Variants in DPP10 observed in about 807,000 individuals in gnomAD.
The protein encoded by DPP10 is inactive dipeptidyl peptidase 10.
A neutral mutation model predicts 120.9 loss-of-function variants in DPP10; 33 were observed. The observed-to-expected ratio is 0.27, with a 90% confidence interval of 0.21 to 0.37. The LOEUF is 0.37. DPP10 is among the 10% of genes least tolerant of loss of function. The pLI is 1.00. For missense variants in DPP10, 816 were observed against 942.8 expected (o/e 0.87, Z 1.76); for synonymous variants, 337 against 326.1 (o/e 1.03, Z -0.36).
chr2:115,284,196 C>G (rs1382833427), intron 1 of DPP10, among the ~76,000 whole-genome samples: 1 of 151,936 alleles, frequency 6.6e-6, no homozygotes, highest in Non-Finnish European at 1.5e-5. Context: ...GAAAAAAACA[C>G]AGTGTAGTTT....
chr2:114,567,427 G>T (rs1209634480), intron 1 of DPP10, among the ~76,000 whole-genome samples: 2 of 152,062 alleles, frequency 1.3e-5, no homozygotes, highest in Non-Finnish European at 2.9e-5. Flanking sequence ...TAATCATAAG[G>T]GTTGTTTTAA....
chr2:114,537,723 A>G (rs920907172), intron 1 of DPP10, among the ~76,000 whole-genome samples: 2 of 152,196 alleles, frequency 1.3e-5, no homozygotes, highest in Admixed American at 6.5e-5. Context: ...CATTATCACC[A>G]TTTCACAAGT....
At chr2:115,430,221 C>T (rs1357566510) in intron 3 of DPP10, among the ~76,000 whole-genome samples, 1 of 152,060 alleles carries the variant, frequency 6.6e-6, no homozygotes, top group African/African-American at 2.4e-5. Context: ...TAATATTTAG[C>T]TTTAACTGAA....
rs199567717 is a variant in DPP10, at chr2:115,029,456, G to GTT, written c.61-279773_61-279772dup. On this transcript the variant is annotated intron_variant, in intron 1 of 25. Transcript: ENST00000410059. ...TTTTTATTTCTTTTTGCACATTAGCGTTTTTTTTTTTCTTTCAGTCTGAAG... is the reference window on the plus strand; with the variant it reads ...TTTTTATTTCTTTTTGCACATTAGCGTTTTTTTTTTTTTCTTTCAGTCTGAAG... 4.6e-3 allele frequency among the ~76,000 whole-genome samples: 659 copies of GTT among 143,362 alleles called. 10 individuals are homozygous for GTT. The highest frequency in any genetic ancestry group is 7.8e-3 in the South Asian group (36 of 4,586). The allele number at this position is 143,362 out of a possible 152,430, so 94.1% of individuals were successfully genotyped here.
intron 5 of DPP10, among the ~76,000 whole-genome samples, chr2:115,628,619 T>C (rs1427443690): frequency 6.6e-6 from 1 of 152,186 alleles, no homozygotes; most frequent in Non-Finnish European, 1.5e-5. Context: ...TGGCATTGCC[T>C]GCATATTGTT....
intron 1 of DPP10, among the ~76,000 whole-genome samples, chr2:114,468,059 C>T (rs112362112): frequency 6.6e-6 from 1 of 152,176 alleles, no homozygotes; most frequent in African/African-American, 2.4e-5. Context: ...AAAGTGATAG[C>T]TCCCTCTGTT....
At chr2:115,315,983 T>G (rs544092773) in intron 2 of DPP10, among the ~76,000 whole-genome samples, 4 of 152,216 alleles carry the variant, frequency 2.6e-5, no homozygotes, top group Non-Finnish European at 4.4e-5. Flanking sequence ...AAGCCATATG[T>G]GATTCCCTTA....
At position 115,646,041 on chromosome 2, in the gene DPP10, T is replaced by C. The variant is rs536547235; in HGVS notation, c.442-43646T>C. ...AATCCTGACTGATACACATATATAT[T>C]TCACTTCCCATCACACACACACACG... On this transcript the variant is annotated intron_variant, in intron 5 of 25. Transcript: ENST00000410059. 2.6e-5 allele frequency among the ~76,000 whole-genome samples: 4 copies of C among 152,180 alleles called. No individual in the cohort carries two copies. In the East Asian group the frequency reaches 7.7e-4, roughly 29 times the overall value.
rs950721482 is a variant in DPP10 at position 115,422,256 on chromosome 2, G to A, written c.272-77254G>A. On this transcript the variant is annotated intron_variant, in intron 3 of 25. Transcript: ENST00000410059. ...ATAAATTGTTATACCGATATTTATA[G>A]CAAAGGCAACATAGAACTCTGGAGT... 7.2e-5 allele frequency among the ~76,000 whole-genome samples: 11 copies of A among 152,276 alleles called. No individual in the cohort carries two copies. In the East Asian group the frequency reaches 1.7e-3, roughly 24 times the overall value.
chr2:115,459,938 T>TATATATATATATATATATACAC lies in DPP10; in HGVS notation c.272-39571_272-39570insTATATATATATATATATACACA, dbSNP rs66927327. On this transcript the variant is annotated intron_variant, in intron 3 of 25. Transcript: ENST00000410059. ...AAAACATATATTTTATATATATATA[T>TATATATATATATATATATACAC]ACACACACACACCTTTGTTTGCATT... Among the ~76,000 whole-genome samples, 186 of 128,494 alleles carry TATATATATATATATATATACAC rather than the reference T, an allele frequency of 1.4e-3. 2 individuals are homozygous for TATATATATATATATATATACAC. The highest frequency in any genetic ancestry group is 4.0e-3 in the African/African-American group (147 of 36,546). 84.3% of individuals were successfully genotyped at this position (128,494 alleles called of 152,430 possible). A position where few individuals can be genotyped will look rare whatever the true frequency, so the allele number is the denominator to read the frequency against.
At chr2:115,821,536 T>G (rs1236227578) in intron 21 of DPP10, among the ~76,000 whole-genome samples, 1 of 152,028 alleles carries the variant, frequency 6.6e-6, no homozygotes, top group Non-Finnish European at 1.5e-5. Flanking sequence ...TTTTGCCAAT[T>G]TCTGTATTTT....
At position 115,314,118 on chromosome 2, in the gene DPP10, G is replaced by T. The variant is rs114416037; in HGVS notation, c.175+4765G>T. Among the ~76,000 whole-genome samples the T allele has an allele frequency of 9.5e-3, 1,454 of 152,284 alleles. 26 individuals are homozygous for T. The highest frequency in any genetic ancestry group is 0.032 in the African/African-American group (1,345 of 41,566). ...TTGGGAGAACATTTTGTGCAGAATA[G>T]AATTACCAATTTTGGCCTGTTTTAA... On this transcript the variant is annotated intron_variant, in intron 2 of 25. Coordinates refer to ENST00000410059, the MANE Select transcript of DPP10 (RefSeq NM_020868.6).
intron 5 of DPP10, among the ~76,000 whole-genome samples, chr2:115,595,071 A>G (rs961941154): frequency 6.6e-6 from 1 of 152,158 alleles, no homozygotes; most frequent in African/African-American, 2.4e-5. Flanking sequence ...AAAAGACAGA[A>G]TTTGAAATTT....
intron 1 of DPP10, among the ~76,000 whole-genome samples, chr2:114,843,892 G>A (rs72961638): frequency 0.2 from 29,937 of 151,978 alleles, 4,347 homozygotes; most frequent in African/African-American, 0.41. Context: ...TCATAAATTT[G>A]TTGTTCTTAA....
At chr2:114,680,997 AC>A (rs1698990120) in intron 1 of DPP10, among the ~76,000 whole-genome samples, 1 of 151,916 alleles carries the variant, frequency 6.6e-6, no homozygotes, top group African/African-American at 2.4e-5. Flanking sequence ...TAAATGATAT[AC>A]CATTTTGTTC....
intron 1 of DPP10, among the ~76,000 whole-genome samples, chr2:115,140,367 A>C (rs551294017): frequency 1.3e-5 from 2 of 152,310 alleles, no homozygotes; most frequent in Admixed American, 6.5e-5. Flanking sequence ...GTGAGGCTGC[A>C]GGGCTGTGGG....
chr2:115,279,539 A>G (rs957592453), intron 1 of DPP10, among the ~76,000 whole-genome samples: 7 of 151,984 alleles, frequency 4.6e-5, no homozygotes, highest in Non-Finnish European at 1.0e-4. Context: ...ATTAAAAAAA[A>G]TCACCGTGTT....
At chr2:115,240,210 C>T (rs1170429337) in intron 1 of DPP10, among the ~76,000 whole-genome samples, 2 of 152,192 alleles carry the variant, frequency 1.3e-5, no homozygotes, top group Non-Finnish European at 2.9e-5. Flanking sequence ...CTAATTTGCA[C>T]TCCCACCAAC....
At chr2:114,707,404 T>C (rs1700752227) in intron 1 of DPP10, among the ~76,000 whole-genome samples, 1 of 152,246 alleles carries the variant, frequency 6.6e-6, no homozygotes, top group South Asian at 2.1e-4. Flanking sequence ...ATTTGTATTA[T>C]GAATTTATAT....
Sources: gnomAD v4.1 joint callset for allele counts (sites outside exome capture counted in the v4.1 genomes callset) on GRCh38, gnomAD v4.1.1 for gene constraint, MANE v1.5 for transcripts, NCBI Gene and HGNC (gene_info 2026-07-23, HGNC 2026-07-21) for gene names.